HIPK2: variants seen among roughly 807,000 people sequenced by gnomAD.
HIPK2 encodes the protein homeodomain-interacting protein kinase 2.
In HIPK2, 27 loss-of-function variants were observed where a neutral mutation model predicts 113.7. The observed-to-expected ratio is 0.24, with a 90% CI of 0.17 to 0.33. The LOEUF (loss-of-function observed/expected upper bound fraction) is 0.33, where lower values mean the gene tolerates loss of function less well. HIPK2 is among the 10% of genes least tolerant of loss of function. The pLI is 1.00. For synonymous variants in HIPK2, 631 were observed against 642.2 expected (o/e 0.98, Z 0.26); for missense variants, 1,257 against 1,588.0 (o/e 0.79, Z 3.54).
chr7:139,656,897 G>A (rs1290650376), intron 2 of HIPK2, among the ~76,000 whole-genome samples: 2 of 151,348 alleles, frequency 1.3e-5, no homozygotes, highest in Non-Finnish European at 2.9e-5. Context: ...CTGAGATGGA[G>A]TCTTGCTCTG....
rs749343798 is a variant in HIPK2 at position 139,631,124 on chromosome 7, C to T, written c.1347+41G>A. 1.3e-5 allele frequency: 21 copies of T among 1,579,680 alleles called. No individual in the cohort carries two copies. Among genetic ancestry groups the T allele is most frequent in the Middle Eastern group, 1.7e-4 (1 of 6,048 alleles). On this transcript the variant is annotated intron_variant, in intron 4 of 14. Coordinates refer to ENST00000406875, the MANE Select transcript of HIPK2 (RefSeq NM_022740.5). This position sits in a 1 kb window ranked among gnomAD's most constrained non-coding sequence, Gnocchi z 4.9. ...TGGGTCTACGGCCCTCTTCCCTAAG[C>T]GCTGGGCCACTGTGAGGAGTGGAGG...
chr7:139,775,124 C>T (rs1796718339), intron 1 of HIPK2, among the ~76,000 whole-genome samples: 1 of 152,194 alleles, frequency 6.6e-6, no homozygotes, highest in Non-Finnish European at 1.5e-5. Flanking sequence ...TGAGAAGAAT[C>T]ATGCACACTC....
At position 139,716,088 on chromosome 7, in the gene HIPK2, T is replaced by C; in HGVS notation, c.947A>G (p.Lys316Arg). The stretch of plus-strand genomic sequence containing the variant: ...GTCAGCGTGGATAAGACCTAGGCTT[T>C]TGAGTTTCATCAGGGCTGTGGCTAC... ...QQVATALMKL[K>R]SLGLIHADLK... Residue 316 changes from lysine to arginine, a missense_variant, in exon 2 of 15, where the codon AAA (lysine) becomes AGA (arginine). Physicochemically the swap from Lys to Arg is conservative, Grantham distance 26 (BLOSUM62 2). Around this residue, in one of 5 missense-constraint regions of HIPK2, gnomAD observed 84 missense variants for 182.2 expected, o/e 0.46. Coordinates refer to ENST00000406875, the MANE Select transcript of HIPK2 (RefSeq NM_022740.5). This position sits in a 1 kb window ranked among gnomAD's most constrained non-coding sequence, Gnocchi z 9.3. The C allele has an allele frequency of 6.2e-7, 1 of 1,614,096 alleles. No individual in the cohort carries two copies. The highest frequency in any genetic ancestry group is 8.5e-7 in the Non-Finnish European group (1 of 1,179,948).
chr7:139,685,111 C>T (rs767220811), intron 2 of HIPK2, among the ~76,000 whole-genome samples: 1 of 152,214 alleles, frequency 6.6e-6, no homozygotes, highest in Non-Finnish European at 1.5e-5. Flanking sequence ...ACAGAAGCTG[C>T]AGCAAGTTAT....
intron 13 of HIPK2, among the ~76,000 whole-genome samples, chr7:139,580,592 C>T (rs1003013430): frequency 1.3e-5 from 2 of 152,190 alleles, no homozygotes; most frequent in Non-Finnish European, 2.9e-5. Context: ...GTCCTGAGAA[C>T]AGCCACAGTG....
At chr7:139,703,702 A>ACC (rs1236199691) in intron 2 of HIPK2, among the ~76,000 whole-genome samples, 1 of 145,870 alleles carries the variant, frequency 6.9e-6, no homozygotes, top group Non-Finnish European at 1.5e-5. Flanking sequence ...CAACACATAC[A>ACC]CCCCTCCACA....
At chr7:139,686,193 T>G (rs1373603742) in intron 2 of HIPK2, among the ~76,000 whole-genome samples, 1 of 152,176 alleles carries the variant, frequency 6.6e-6, no homozygotes, top group Non-Finnish European at 1.5e-5. Context: ...TGTAAGTCAC[T>G]GTAAATGAGG....
intron 2 of HIPK2, among the ~76,000 whole-genome samples, chr7:139,665,667 A>G (rs1484484044): frequency 6.6e-6 from 1 of 152,130 alleles, no homozygotes; most frequent in African/African-American, 2.4e-5. Flanking sequence ...ATCTACAAGC[A>G]TTCTTTATCC....
chr7:139,743,440 T>A (rs540760181), intron 1 of HIPK2, among the ~76,000 whole-genome samples: 3 of 152,256 alleles, frequency 2.0e-5, no homozygotes, highest in Non-Finnish European at 2.9e-5. Flanking sequence ...GAAAATCCGC[T>A]GCTCATCTTG....
chr7:139,605,260 G>GTA (rs1799581681), intron 9 of HIPK2, among the ~76,000 whole-genome samples: 1 of 151,980 alleles, frequency 6.6e-6, no homozygotes, highest in African/African-American at 2.4e-5. Context: ...GTGTGTGTGT[G>GTA]TGTATGTTGT....
chr7:139,670,324 CT>C (rs1265712927), intron 2 of HIPK2, among the ~76,000 whole-genome samples: 1 of 152,100 alleles, frequency 6.6e-6, no homozygotes, highest in Non-Finnish European at 1.5e-5. Flanking sequence ...TGGCTCACAC[CT>C]GTGACCCCAG....
chr7:139,575,406 T>A, intron 13 of HIPK2, 118 bp from the exon 14 acceptor site: 1 of 1,224,254 alleles, frequency 8.2e-7, no homozygotes, highest in Non-Finnish European at 1.1e-6. Context: ...GGCCGGGCAG[T>A]AACAAATCAG....
chr7:139,637,006 C>T (rs1800837071), intron 2 of HIPK2, among the ~76,000 whole-genome samples: 1 of 152,172 alleles, frequency 6.6e-6, no homozygotes, highest in Non-Finnish European at 1.5e-5. Context: ...AAGGGAACCA[C>T]CACCCTCCAG....
At chr7:139,732,268 TA>T (rs1166109158) in intron 1 of HIPK2, among the ~76,000 whole-genome samples, 4 of 152,234 alleles carry the variant, frequency 2.6e-5, no homozygotes, top group African/African-American at 4.8e-5. Flanking sequence ...TGGCCCATTC[TA>T]AGCTGTGCAA....
Position 139,569,797 on chromosome 7 carries a change from T to A in HIPK2, c.*3130A>T, listed in dbSNP as rs766206608. ...TGGATGTCCCTCCAGTCTACTTATATACTCACAGAGAGAATAAGTTTAAAT... is the reference window on the plus strand; with the variant it reads ...TGGATGTCCCTCCAGTCTACTTATAAACTCACAGAGAGAATAAGTTTAAAT... On this transcript the variant is annotated 3_prime_UTR_variant, in exon 15 of 15. Coordinates refer to ENST00000406875, the MANE Select transcript of HIPK2 (RefSeq NM_022740.5). The A allele has an allele frequency of 6.6e-6, 1 of 152,070 alleles. No individual in the cohort carries two copies. The highest frequency in any genetic ancestry group is 1.5e-5 in the Non-Finnish European group (1 of 68,014). 9.4% of individuals were successfully genotyped at this position (152,070 alleles called of 1,614,324 possible).
At position 139,660,289 on chromosome 7, in the gene HIPK2, A is replaced by AT. The variant is rs1304448405; in HGVS notation, c.1104-28565dup. Among the ~76,000 whole-genome samples the AT allele has an allele frequency of 1.1e-4, 17 of 151,952 alleles. No individual in the cohort carries two copies. The East Asian group carries it at 1.2e-3, about 10-fold the overall frequency. ...CAACTAAGAAAAGTAAAAACAACCA[A>AT]TTTTTTGTTGTTGTTGTTGTTGTTT... is the stretch of plus-strand genomic sequence containing the variant. On this transcript the variant is annotated intron_variant, in intron 2 of 14. Transcript: ENST00000406875.
intron 1 of HIPK2, among the ~76,000 whole-genome samples, chr7:139,726,365 T>C (rs1266478445): frequency 6.6e-6 from 1 of 151,458 alleles, no homozygotes; most frequent in Non-Finnish European, 1.5e-5. Context: ...GGAGAAAAGG[T>C]GAGACATGCT....
In HIPK2 at chr7:139,683,272, A is replaced by G. The variant is rs1346013282; in HGVS notation, c.1103+32660T>C. ...CTGCATTAGCTGCCTGTTAATGTGT[A>G]ACAAGGTACCGCAAAACTTAGTGCC... On this transcript the variant is annotated intron_variant, in intron 2 of 14. Coordinates refer to ENST00000406875, the MANE Select transcript of HIPK2 (RefSeq NM_022740.5). This position sits in a 1 kb window ranked among gnomAD's most constrained non-coding sequence, Gnocchi z 4.2. Among the ~76,000 whole-genome samples, 3 of 152,228 alleles carry G rather than the reference A, an allele frequency of 2.0e-5. No individual in the cohort carries two copies. Among genetic ancestry groups the G allele is most frequent in the African/African-American group, 7.2e-5 (3 of 41,466 alleles).
intron 6 of HIPK2, among the ~76,000 whole-genome samples, chr7:139,625,043 G>C (rs778117000): frequency 6.6e-6 from 1 of 152,158 alleles, no homozygotes; most frequent in Non-Finnish European, 1.5e-5. Flanking sequence ...AGCAGAAGCT[G>C]TCTGACAGGA....
Sources: allele counts gnomAD v4.1 joint callset (sites outside exome capture counted in the v4.1 genomes callset), GRCh38; gene constraint gnomAD v4.1.1; regional missense constraint gnomAD v4.1.1; non-coding constraint Gnocchi (gnomAD v3.1); transcripts MANE v1.5; gene names NCBI Gene and HGNC (gene_info 2026-07-23, HGNC 2026-07-21).